The following ADD1 variants were observed in gnomAD, a reference collection of about 807,000 sequenced individuals.
ADD1 encodes the protein adducin 1.
Under a neutral mutation model 80.5 loss-of-function variants are expected in ADD1, and 24 were observed. The ratio of observed to expected loss-of-function variants is 0.30; its 90% CI spans 0.22 to 0.42. ADD1 has a LOEUF of 0.42. ADD1 is among the 10% of genes least tolerant of loss of function. The probability of loss-of-function intolerance (pLI) is 1.00; values close to 1 mark genes in which losing one functional copy is unlikely to be tolerated. For synonymous variants in ADD1, 373 were observed against 393.8 expected, an observed-to-expected ratio of 0.95 and a Z score of 0.63; for missense variants, 948 against 1,019.0, an observed-to-expected ratio of 0.93 and a Z score of 0.95.
chr4:2,892,782 A>G (rs1204946885), intron 4 of ADD1, among the ~76,000 whole-genome samples: 1 of 151,972 alleles, frequency 6.6e-6, no homozygotes, highest in African/African-American at 2.4e-5. Context: ...TGCAGTGAGC[A>G]TGATTGCGCC....
intron 4 of ADD1, among the ~76,000 whole-genome samples, chr4:2,888,033 G>A (rs933624691): frequency 3.7e-4 from 56 of 152,168 alleles, no homozygotes; most frequent in African/African-American, 1.3e-3. Flanking sequence ...AGTAAAAGAA[G>A]GAAACATTAT....
chr4:2,928,606 T>C lies in ADD1; in HGVS notation c.*83T>C, dbSNP rs879524454. The stretch of plus-strand genomic sequence containing the variant: ...GCCACGTCTGTGCTCTGTCCTTGTG[T>C]AATGGAATGCAAAAAAGCCAAGCCC... On this transcript the variant is annotated 3_prime_UTR_variant, in exon 16 of 16. Transcript: ENST00000683351. 2 of 1,456,952 alleles carry C rather than the reference T, an allele frequency of 1.4e-6. No individual in the cohort carries two copies. The highest frequency in any genetic ancestry group is 1.4e-5 in the African/African-American group (1 of 69,806). The allele number at this position is 1,456,952 out of a possible 1,614,324, so 90.3% of individuals were successfully genotyped here.
intron 1 of ADD1, among the ~76,000 whole-genome samples, chr4:2,852,392 T>A (rs553596569): frequency 5.4e-5 from 8 of 147,760 alleles, no homozygotes; most frequent in Non-Finnish European, 1.0e-4. Flanking sequence ...AGTGGTGCGA[T>A]CTTGGCTCAC....
intron 4 of ADD1, among the ~76,000 whole-genome samples, chr4:2,888,034 G>A (rs978568606): frequency 3.3e-5 from 5 of 152,004 alleles, no homozygotes; most frequent in Non-Finnish European, 7.4e-5. Context: ...GTAAAAGAAG[G>A]AAACATTATT....
At chr4:2,887,874 C>T (rs1733651128) in intron 4 of ADD1, among the ~76,000 whole-genome samples, 1 of 152,144 alleles carries the variant, frequency 6.6e-6, no homozygotes, top group Admixed American at 6.5e-5. Context: ...TCAAAATATC[C>T]TTCTCTATTT....
chr4:2,915,971 G>A (rs1738959680), intron 14 of ADD1, among the ~76,000 whole-genome samples: 1 of 152,000 alleles, frequency 6.6e-6, no homozygotes, highest in Admixed American at 6.5e-5. Context: ...GGCTGACCCC[G>A]AAGATGTCCT....
At chr4:2,907,570 A>T (rs953850915) in intron 10 of ADD1, 173 bp from the exon 11 acceptor site, 6 of 595,870 alleles carry the variant, frequency 1.0e-5, no homozygotes, top group African/African-American at 9.2e-5. Flanking sequence ...ATGTGGCTGC[A>T]TCCTGCTCCC....
At chr4:2,913,784 G>C (rs552653137) in intron 13 of ADD1, among the ~76,000 whole-genome samples, 1 of 152,226 alleles carries the variant, frequency 6.6e-6, no homozygotes, top group East Asian at 1.9e-4. Flanking sequence ...ACTGAGAGCA[G>C]CACTGAAGGA....
At chr4:2,867,492 T>C (rs1243290496) in intron 1 of ADD1, among the ~76,000 whole-genome samples, 1 of 152,210 alleles carries the variant, frequency 6.6e-6, no homozygotes, top group Admixed American at 6.5e-5. Flanking sequence ...ATAGTCTTAA[T>C]TTCAGATTCT....
At chr4:2,893,101 ATTTTT>A (rs1315977401) in intron 4 of ADD1, among the ~76,000 whole-genome samples, 1 of 151,362 alleles carries the variant, frequency 6.6e-6, no homozygotes, top group African/African-American at 2.4e-5. Flanking sequence ...ATTTTATTTT[ATTTTT>A]TTAGTAGAGA....
At position 2,843,870 on chromosome 4, in the gene ADD1, G is replaced by C. The variant is rs1725752140; in HGVS notation, c.-175G>C. ...GCGCCGCAGGCCGCACCCAGGTCGGGCGGTGGGGGCGAGCGGAGGGGCTGA... is the reference window on the plus strand; with the variant it reads ...GCGCCGCAGGCCGCACCCAGGTCGGCCGGTGGGGGCGAGCGGAGGGGCTGA... On this transcript the variant is annotated 5_prime_UTR_variant, in exon 1 of 16. Coordinates refer to ENST00000683351, the MANE Select transcript of ADD1 (RefSeq NM_001354761.2). 1 of 152,524 alleles carries C rather than the reference G, an allele frequency of 6.6e-6. No homozygotes were observed. The highest frequency in any genetic ancestry group is 2.4e-5 in the African/African-American group (1 of 41,432). The allele number at this position is 152,524 out of a possible 1,614,324, so 9.4% of individuals were successfully genotyped here.
intron 4 of ADD1, among the ~76,000 whole-genome samples, chr4:2,885,900 C>G (rs141051695): frequency 0.021 from 3,200 of 151,988 alleles, 95 homozygotes; most frequent in African/African-American, 0.07. Context: ...GTGAGCCACC[C>G]TGCCCGGCCC....
chr4:2,905,257 CTGAA>C (rs1736852852), intron 10 of ADD1, 149 bp downstream of exon 10: 1 of 681,046 alleles, frequency 1.5e-6, no homozygotes, highest in East Asian at 2.7e-5. Flanking sequence ...CCTAAGTCCA[CTGAA>C]TGCATTACTA....
At chr4:2,897,525 C>T (rs1383549887) in intron 6 of ADD1, among the ~76,000 whole-genome samples, 3 of 142,552 alleles carry the variant, frequency 2.1e-5, no homozygotes, top group Non-Finnish European at 3.0e-5. Flanking sequence ...CTTTAGAGCA[C>T]TTGGAAAACC....
chr4:2,904,347 T>G (rs1390909167), intron 9 of ADD1, among the ~76,000 whole-genome samples: 3 of 152,174 alleles, frequency 2.0e-5, no homozygotes, highest in Non-Finnish European at 4.4e-5. Context: ...AAACAAAGGT[T>G]GTTTTGCATC....
intron 1 of ADD1, among the ~76,000 whole-genome samples, chr4:2,846,177 G>A (rs1426221678): frequency 1.3e-5 from 2 of 151,950 alleles, no homozygotes. Context: ...AATTTCAATC[G>A]ATCCACATGC....
chr4:2,903,723 G>C (rs956932809), intron 9 of ADD1, among the ~76,000 whole-genome samples: 1 of 152,202 alleles, frequency 6.6e-6, no homozygotes, highest in Non-Finnish European at 1.5e-5. Flanking sequence ...GGTGGGAGGG[G>C]ATTACAGGAG....
At chr4:2,871,993 A>G (rs1016406423) in intron 1 of ADD1, among the ~76,000 whole-genome samples, 5 of 152,212 alleles carry the variant, frequency 3.3e-5, no homozygotes, top group Non-Finnish European at 7.3e-5. Flanking sequence ...TCTGACTTAC[A>G]TTAAAACTCT....
chr4:2,877,711 C>T (rs1285783912), intron 2 of ADD1, among the ~76,000 whole-genome samples: 4 of 152,116 alleles, frequency 2.6e-5, no homozygotes, highest in African/African-American at 9.7e-5. Flanking sequence ...CTTGGCTGGG[C>T]ATGGTGGCCC....
Sources: gnomAD v4.1 joint callset for allele counts (sites outside exome capture counted in the v4.1 genomes callset) on GRCh38, gnomAD v4.1.1 for gene constraint, MANE v1.5 for transcripts, NCBI Gene and HGNC (gene_info 2026-07-23, HGNC 2026-07-21) for gene names.